Variants in ARSF observed in about 807,000 individuals in gnomAD.
ARSF encodes arylsulfatase F.
A neutral mutation model predicts 35.4 loss-of-function variants in ARSF; 33 were observed. That is an observed-to-expected ratio of 0.93 (90% CI 0.71 to 1.25). The LOEUF is 1.25. Ranked by LOEUF, ARSF falls within the 50% of genes most tolerant of loss-of-function variation. ARSF has a pLI of 0.00. For synonymous variants in ARSF, 222 were observed against 193.1 expected (o/e 1.15, Z -1.24); for missense variants, 501 against 480.2 (o/e 1.04, Z -0.40).
intron 1 of ARSF, among the ~76,000 whole-genome samples, chrX:3,044,921 C>T (rs2089968897): frequency 9.1e-6 from 1 of 109,421 alleles, no homozygotes. Flanking sequence ...TAGCCGGGAG[C>T]CCAGCCATCC....
intron 1 of ARSF, among the ~76,000 whole-genome samples, chrX:3,044,592 A>C: frequency 9.1e-6 from 1 of 110,270 alleles, no homozygotes; most frequent in South Asian, 4.0e-4. Context: ...TGTGTGAAGA[A>C]GGTGATGTTT....
chrX:3,108,914 G>T (rs2090426407), intron 9 of ARSF, among the ~76,000 whole-genome samples: 1 of 111,233 alleles, frequency 9.0e-6, no homozygotes, highest in Non-Finnish European at 1.9e-5. Flanking sequence ...TACTCAGGAG[G>T]CTGAGGCAGG....
Position 3,084,470 on chromosome X carries a change from G to A in ARSF, c.634G>A (p.Val212Ile). 1 of 1,211,377 alleles carries A rather than the reference G, an allele frequency of 8.3e-7. No homozygotes were observed. The highest frequency in any genetic ancestry group is 3.0e-5 in the East Asian group (1 of 33,813). The part of the protein sequence containing the change: ...TLTFGKLSGW[V>I]SVPWLLIFSM... ...AACCTTTGGGAAGCTGAGCGGCTGG[G>A]TCTCTGTTCCCTGGCTCCTGATCTT... Residue 212 changes from valine (V) to isoleucine (I), a missense_variant, in exon 6 of 11, where the codon GTC (valine) becomes ATC (isoleucine). Coordinates refer to ENST00000381127, the MANE Select transcript of ARSF (RefSeq NM_001201539.2).
intron 1 of ARSF, among the ~76,000 whole-genome samples, chrX:3,045,977 AGT>A (rs1326645262): frequency 3.8e-5 from 4 of 106,162 alleles, no homozygotes; most frequent in African/African-American, 1.4e-4. Context: ...CTGCCTCCCG[AGT>A]TCAAGCAATT....
intron 7 of ARSF, among the ~76,000 whole-genome samples, chrX:3,093,029 G>A (rs747837106): frequency 1.2e-4 from 13 of 110,901 alleles, no homozygotes; most frequent in South Asian, 7.6e-4. Flanking sequence ...ACACATCCGT[G>A]GTGGCGGGCG....
chrX:3,047,353 A>AT (rs147738518), intron 1 of ARSF, among the ~76,000 whole-genome samples: 2 of 109,909 alleles, frequency 1.8e-5, no homozygotes, highest in Non-Finnish European at 1.9e-5. Flanking sequence ...TAATTTTTCT[A>AT]TTTTTTGGTA....
chrX:3,102,894 G>C (rs1396990579), intron 8 of ARSF, among the ~76,000 whole-genome samples: 1 of 108,446 alleles, frequency 9.2e-6, no homozygotes, highest in East Asian at 2.9e-4. Context: ...CCTGGCAACA[G>C]AGCGAGACTC....
At chrX:3,079,970 C>CAAAAAAAAAAA (rs1224175073) in intron 4 of ARSF, among the ~76,000 whole-genome samples, 33 of 28,395 alleles carry the variant, frequency 1.2e-3, no homozygotes, top group African/African-American at 1.8e-3. Flanking sequence ...ACAACAACAA[C>CAAAAAAAAAAA]AAAAAAAAAA....
At chrX:3,044,729 T>C (rs917977023) in intron 1 of ARSF, among the ~76,000 whole-genome samples, 1 of 109,719 alleles carries the variant, frequency 9.1e-6, no homozygotes, top group African/African-American at 3.3e-5. Context: ...CTTGTATCCC[T>C]GCCGGTCAGC....
At position 3,089,586 on chromosome X, in the gene ARSF, G is replaced by A. The variant is rs781512516; in HGVS notation, c.921G>A (p.Lys307=). 1.2e-5 allele frequency: 15 copies of A among 1,211,463 alleles called. No individual in the cohort carries two copies. The highest frequency in any genetic ancestry group is 2.2e-5 in the Admixed American group (1 of 46,013). Residue 307 remains lysine (K), a synonymous_variant, in exon 7 of 11, where the codon AAG becomes AAA. Transcript: ENST00000381127. ...CGGACGATTTCACTGGCACCAGCAA[G>A]CATGGCTTGTATGGGGATAATGTGG... ...PTTDDFTGTS[K]HGLYGDNVEE...
At chrX:3,065,830 G>A (rs2090063371) in intron 1 of ARSF, among the ~76,000 whole-genome samples, 1 of 111,058 alleles carries the variant, frequency 9.0e-6, no homozygotes, top group African/African-American at 3.3e-5. Flanking sequence ...TGGGCGCAGT[G>A]ACTCTCGCCT....
At position 3,070,441 on chromosome X, in the gene ARSF, TTTAAGTCCCTTAAATGAGG is replaced by T. The variant is rs1350497147; in HGVS notation, c.12-1574_12-1556del. ...TAAATCCCTTACCTGTAGAGACTCA[TTTAAGTCCCTTAAATGAGG>T]TTAAGTCCCTGGAAGAGGGAGTTAA... is the stretch of plus-strand genomic sequence containing the variant. On this transcript the variant is annotated intron_variant, in intron 2 of 10. Transcript: ENST00000381127. 4.5e-5 allele frequency among the ~76,000 whole-genome samples: 5 copies of T among 110,298 alleles called. No individual in the cohort carries two copies. In the East Asian group the frequency reaches 8.6e-4, roughly 19 times the overall value.
At chrX:3,089,374 C>T (rs1419730583) in intron 6 of ARSF, 122 bp from the exon 7 acceptor site, 3 of 830,677 alleles carry the variant, frequency 3.6e-6, no homozygotes, top group Non-Finnish European at 5.2e-6. Flanking sequence ...TGGGTGGACC[C>T]ACTCTATCTT....
intron 5 of ARSF, among the ~76,000 whole-genome samples, chrX:3,082,801 A>G (rs1440255615): frequency 9.0e-6 from 1 of 111,127 alleles, no homozygotes; most frequent in East Asian, 2.8e-4. Context: ...ATTTATTTTT[A>G]TCCATATCTT....
chrX:3,068,133 A>C, intron 2 of ARSF, 22 bp downstream of exon 2: 1 of 1,189,500 alleles, frequency 8.4e-7, no homozygotes, highest in Non-Finnish European at 1.1e-6. Context: ...CATATACTGC[A>C]TTGTGAGCAC....
chrX:3,084,758 A>T, intron 6 of ARSF, 92 bp downstream of exon 6: 1 of 884,552 alleles, frequency 1.1e-6, no homozygotes, highest in South Asian at 2.9e-5. Flanking sequence ...TGTAGTTTAT[A>T]ATAATCTATT....
chrX:3,047,303 T>C (rs1202465176), intron 1 of ARSF, among the ~76,000 whole-genome samples: 1 of 110,067 alleles, frequency 9.1e-6, no homozygotes, highest in African/African-American at 3.3e-5. Context: ...CTCAGCCTCC[T>C]GAGAAGCTGG....
chrX:3,059,714 G>A (rs999564577), intron 1 of ARSF, among the ~76,000 whole-genome samples: 1 of 112,646 alleles, frequency 8.9e-6, no homozygotes, highest in Non-Finnish European at 1.9e-5. Context: ...TGAACTGTGA[G>A]GCAGCAGCCT....
intron 5 of ARSF, among the ~76,000 whole-genome samples, chrX:3,081,972 G>A (rs1295171804): frequency 1.8e-5 from 2 of 111,467 alleles, no homozygotes; most frequent in Admixed American, 9.6e-5. Context: ...GGGGTTGCAG[G>A]ACAGGAAGCC....
Sources: allele counts gnomAD v4.1 joint callset (sites outside exome capture counted in the v4.1 genomes callset), GRCh38; gene constraint gnomAD v4.1.1; transcripts MANE v1.5; gene names NCBI Gene and HGNC (gene_info 2026-07-23, HGNC 2026-07-21).